The following UMAD1 variants were observed in gnomAD, a reference collection of about 807,000 sequenced individuals.
The protein encoded by UMAD1 is UBAP1-MVB12-associated (UMA) domain containing 1, also known as UBAP1-MVB12-associated (UMA)-domain containing protein 1.
UMAD1 carries 8 observed loss-of-function variants against 6.1 expected under a neutral mutation model. That is an observed-to-expected ratio of 1.30 (90% CI 0.76 to 2.35). UMAD1 has a LOEUF of 2.35. Among genes scored for constraint, UMAD1 ranks in the 30% most tolerant of loss-of-function variants. UMAD1 has a pLI of 0.00. For synonymous variants in UMAD1, 56 were observed against 31.4 expected, an observed-to-expected ratio of 1.78 and a Z score of -2.61; for missense variants, 130 against 78.4, an observed-to-expected ratio of 1.66 and a Z score of -2.49.
chr7:7,831,024 A>G (rs1279289469), intron 3 of UMAD1, among the ~76,000 whole-genome samples: 1 of 152,182 alleles, frequency 6.6e-6, no homozygotes, highest in Non-Finnish European at 1.5e-5. Context: ...TCTGATTCTT[A>G]AAGAAGATAA....
chr7:7,792,716 A>G (rs62434081), intron 2 of UMAD1, among the ~76,000 whole-genome samples: 19 of 152,282 alleles, frequency 1.2e-4, no homozygotes, highest in South Asian at 8.3e-4. Context: ...TTGGACTGCT[A>G]TAACAAAATA....
intron 2 of UMAD1, among the ~76,000 whole-genome samples, chr7:7,800,582 C>T (rs191643825): frequency 6.6e-6 from 1 of 152,092 alleles, no homozygotes; most frequent in Non-Finnish European, 1.5e-5. Flanking sequence ...TCTTTTATCC[C>T]TCACCCTCTC....
chr7:7,717,629 A>G (rs1780951934), intron 2 of UMAD1, among the ~76,000 whole-genome samples: 1 of 151,918 alleles, frequency 6.6e-6, no homozygotes. Context: ...CATGGCCTCT[A>G]TTTATTTAAT....
intron 3 of UMAD1, among the ~76,000 whole-genome samples, chr7:7,840,701 G>A (rs934388210): frequency 1.3e-5 from 2 of 152,186 alleles, no homozygotes; most frequent in African/African-American, 4.8e-5. Context: ...ATTGACAGTG[G>A]CAATAGCAGC....
intron 1 of UMAD1, among the ~76,000 whole-genome samples, chr7:7,649,026 C>T (rs1007177270): frequency 2.0e-5 from 3 of 151,650 alleles, no homozygotes; most frequent in Non-Finnish European, 2.9e-5. Context: ...GGCATGGTGG[C>T]GGATGCCTGT....
At chr7:7,850,559 T>C (rs1309723976) in intron 3 of UMAD1, among the ~76,000 whole-genome samples, 1 of 152,120 alleles carries the variant, frequency 6.6e-6, no homozygotes, top group Non-Finnish European at 1.5e-5. Flanking sequence ...AATATATGTA[T>C]ATTTACCATG....
chr7:7,742,282 T>C (rs751801573), intron 2 of UMAD1: 2 of 653,074 alleles, frequency 3.1e-6, no homozygotes. Context: ...TGTTGTCTTC[T>C]GTCTTCTTCA....
intron 2 of UMAD1, among the ~76,000 whole-genome samples, chr7:7,742,894 T>C (rs768359909): frequency 3.3e-5 from 5 of 152,202 alleles, no homozygotes; most frequent in Admixed American, 1.3e-4. Flanking sequence ...GTGCTGTATG[T>C]TCAAAATATC....
chr7:7,667,757 T>C (rs1779503734), intron 1 of UMAD1, among the ~76,000 whole-genome samples: 1 of 152,216 alleles, frequency 6.6e-6, no homozygotes, highest in African/African-American at 2.4e-5. Flanking sequence ...AGAAATATTA[T>C]ATTAAAGAAA....
chr7:7,699,309 GATTTAAA>G (rs891436393), intron 2 of UMAD1, among the ~76,000 whole-genome samples: 105 of 152,082 alleles, frequency 6.9e-4, no homozygotes, highest in African/African-American at 2.1e-3. Flanking sequence ...TTATCCAACT[GATTTAAA>G]ATTTAAATAT....
intron 2 of UMAD1, among the ~76,000 whole-genome samples, chr7:7,719,659 A>G (rs1781005329): frequency 6.6e-6 from 1 of 151,978 alleles, no homozygotes; most frequent in Non-Finnish European, 1.5e-5. Context: ...TTTTCACGTT[A>G]GTGACTACTG....
At chr7:7,775,484 C>T (rs1182772161) in intron 2 of UMAD1, among the ~76,000 whole-genome samples, 3 of 152,176 alleles carry the variant, frequency 2.0e-5, no homozygotes, top group East Asian at 1.9e-4. Flanking sequence ...TGAAGAGGTG[C>T]CTTCCGCCAT....
At chr7:7,731,332 A>C (rs1781247387) in intron 2 of UMAD1, among the ~76,000 whole-genome samples, 1 of 152,102 alleles carries the variant, frequency 6.6e-6, no homozygotes, top group Non-Finnish European at 1.5e-5. Flanking sequence ...GAACTATTGT[A>C]GTAGTGCAGG....
intron 1 of UMAD1, among the ~76,000 whole-genome samples, chr7:7,651,522 C>T (rs1785223349): frequency 6.6e-6 from 1 of 152,208 alleles, no homozygotes; most frequent in Non-Finnish European, 1.5e-5. Flanking sequence ...ATATTATTTT[C>T]CCTATGGCCA....
At chr7:7,849,878 T>C (rs1185846757) in intron 3 of UMAD1, among the ~76,000 whole-genome samples, 1 of 152,114 alleles carries the variant, frequency 6.6e-6, no homozygotes, top group East Asian at 1.9e-4. Context: ...CTGAGACTTT[T>C]AAGAGTTAGG....
At chr7:7,685,413 G>A (rs529924430) in intron 2 of UMAD1, among the ~76,000 whole-genome samples, 24 of 151,522 alleles carry the variant, frequency 1.6e-4, no homozygotes, top group African/African-American at 4.8e-4. Flanking sequence ...GGGTTCAAGC[G>A]ATTCTCCTGC....
chr7:7,648,524 A>G (rs976254797), intron 1 of UMAD1, among the ~76,000 whole-genome samples: 1 of 152,110 alleles, frequency 6.6e-6, no homozygotes, highest in African/African-American at 2.4e-5. Flanking sequence ...TAGTGTTGCT[A>G]TTACAGAATA....
chr7:7,876,076 C>T (rs1377266763), intron 3 of UMAD1, among the ~76,000 whole-genome samples: 1 of 152,058 alleles, frequency 6.6e-6, no homozygotes, highest in African/African-American at 2.4e-5. Context: ...ACAAAAACCA[C>T]GTAAAAGTAA....
chr7:7,693,499 G>A (rs1780230934), intron 2 of UMAD1, among the ~76,000 whole-genome samples: 1 of 152,078 alleles, frequency 6.6e-6, no homozygotes, highest in South Asian at 2.1e-4. Context: ...TCTCTCTCAT[G>A]TTTTCCTGGA....
Sources: allele counts gnomAD v4.1 joint callset (sites outside exome capture counted in the v4.1 genomes callset), GRCh38; gene constraint gnomAD v4.1.1; transcripts MANE v1.5; gene names NCBI Gene and HGNC (gene_info 2026-07-23, HGNC 2026-07-21).